ATP2B2: variants seen among roughly 807,000 people sequenced by gnomAD.
The protein encoded by ATP2B2 is plasma membrane calcium-transporting ATPase 2.
In ATP2B2, 15 loss-of-function variants were observed where a neutral mutation model predicts 120.0. The observed-to-expected ratio is 0.12, with a 90% confidence interval of 0.08 to 0.19. The LOEUF is 0.19. Among genes scored for constraint, ATP2B2 ranks in the 10% least tolerant of loss-of-function variants. The pLI, the probability that ATP2B2 is intolerant of heterozygous loss-of-function variation, is 1.00. For synonymous variants in ATP2B2, 694 were observed against 700.3 expected, an observed-to-expected ratio of 0.99 and a Z score of 0.14; for missense variants, 1,045 against 1,719.8, an observed-to-expected ratio of 0.61 and a Z score of 6.94.
chr3:10,513,100 C>T (rs1186459724), intron 3 of ATP2B2, among the ~76,000 whole-genome samples: 1 of 152,162 alleles, frequency 6.6e-6, no homozygotes. Context: ...TAGAGACAGC[C>T]ATGAAATGAA....
rs138645815 is a variant in ATP2B2 at position 10,491,131 on chromosome 3, G to A, written c.-320+14334C>T. ...GGAGGGGGCAACAATGCATCCTACT[G>A]TGGCACACCTTCCACAGGGAAGCTC... On this transcript the variant is annotated intron_variant, in intron 1 of 22. Coordinates refer to ENST00000360273, the MANE Select transcript of ATP2B2 (RefSeq NM_001001331.4). 7.2e-5 allele frequency among the ~76,000 whole-genome samples: 11 copies of A among 152,132 alleles called. No homozygotes were observed. In the East Asian group the frequency reaches 2.1e-3, roughly 29 times the overall value.
chr3:10,432,520 AT>A (rs1392380078), intron 2 of ATP2B2, among the ~76,000 whole-genome samples: 1 of 152,264 alleles, frequency 6.6e-6, no homozygotes, highest in East Asian at 1.9e-4. Flanking sequence ...CTGGCCTCGC[AT>A]TAACTGCAGC....
intron 2 of ATP2B2, among the ~76,000 whole-genome samples, chr3:10,603,077 C>T (rs1179720322): frequency 6.6e-6 from 1 of 152,212 alleles, no homozygotes; most frequent in Non-Finnish European, 1.5e-5. Flanking sequence ...TGGTGAGAAA[C>T]GATGATGAGG....
In ATP2B2 at chr3:10,449,476, T is replaced by G. The variant is rs1191658662; in HGVS notation, c.68A>C (p.Glu23Ala). The change falls in exon 2 of 23, where the codon GAG becomes GCG. Residue 23 changes from glutamate to alanine, a missense_variant. Coordinates refer to ENST00000360273, the MANE Select transcript of ATP2B2 (RefSeq NM_001001331.4). ...GAGCTCCTCCATTGTGCACCCGAAC[T>G]CGCCCCCATGGCTCGACTCATTTCT... ...NQRNESSHGG[E>A]FGCTMEELRS... The G allele has an allele frequency of 6.2e-7, 1 of 1,614,112 alleles. No individual in the cohort carries two copies. Among genetic ancestry groups the G allele is most frequent in the Non-Finnish European group, 8.5e-7 (1 of 1,180,038 alleles).
intron 1 of ATP2B2, among the ~76,000 whole-genome samples, chr3:10,696,866 C>G (rs145165886): frequency 1.2e-3 from 182 of 152,286 alleles, no homozygotes; most frequent in African/African-American, 4.3e-3. Flanking sequence ...GTCCCTGCAC[C>G]AAGGAGTCGC....
rs1047194385 is a variant in ATP2B2, at chr3:10,343,334, C to T, written c.2704-369G>A. ...ATTCCCACCGCCTCCGGCATGGGCT[C>T]CTACCTCCTCCCCCCACTGCCTCCT... is the stretch of plus-strand genomic sequence containing the variant. On this transcript the variant is annotated intron_variant, in intron 18 of 22. Coordinates refer to ENST00000360273, the MANE Select transcript of ATP2B2 (RefSeq NM_001001331.4). The surrounding 1 kb of genome is among the most constrained non-coding windows in gnomAD (Gnocchi z 4.2). 5.3e-5 allele frequency among the ~76,000 whole-genome samples: 8 copies of T among 151,952 alleles called. No homozygotes were observed. The highest frequency in any genetic ancestry group is 1.9e-4 in the African/African-American group (8 of 41,356).
chr3:10,634,934 GA>G (rs2069980206), intron 1 of ATP2B2, among the ~76,000 whole-genome samples: 1 of 152,184 alleles, frequency 6.6e-6, no homozygotes, highest in African/African-American at 2.4e-5. Context: ...CTGTTATGTG[GA>G]ACCAGGGCTT....
chr3:10,414,679 T>A (rs1575160540), intron 2 of ATP2B2, among the ~76,000 whole-genome samples: 1 of 152,260 alleles, frequency 6.6e-6, no homozygotes, highest in East Asian at 1.9e-4. Context: ...ATTCAGCCCC[T>A]AAGTTGCTAG....
At chr3:10,398,156 G>A (rs945347677) in intron 5 of ATP2B2, among the ~76,000 whole-genome samples, 1 of 152,074 alleles carries the variant, frequency 6.6e-6, no homozygotes, top group African/African-American at 2.4e-5. Context: ...AGACTGATGG[G>A]AACACTTTGC....
chr3:10,561,304 A>T (rs539325611), intron 2 of ATP2B2, among the ~76,000 whole-genome samples: 1 of 152,208 alleles, frequency 6.6e-6, no homozygotes, highest in Non-Finnish European at 1.5e-5. Context: ...ATGTATGGAC[A>T]TATAGCCAGA....
intron 3 of ATP2B2, among the ~76,000 whole-genome samples, chr3:10,517,032 C>T (rs1483711402): frequency 6.6e-6 from 1 of 152,128 alleles, no homozygotes; most frequent in Non-Finnish European, 1.5e-5. Flanking sequence ...AGCTCCTGTA[C>T]AGGTTTTTAT....
chr3:10,695,260 G>GAGAGAGAGAC lies in ATP2B2; in HGVS notation c.-460+12654_-460+12655insGTCTCTCTCT, dbSNP rs1340798771. 2.1e-4 allele frequency among the ~76,000 whole-genome samples: 32 copies of GAGAGAGAGAC among 151,538 alleles called. No homozygotes were observed. The South Asian group carries it at 4.9e-3, about 23-fold the overall frequency. On this transcript the variant is annotated intron_variant, in intron 1 of 21. Coordinates refer to the ATP2B2 transcript ENST00000646379. ...CAAAGGAGGGAGGGAGGGAGAGAGAGAGAGAGAGAGAGAGAGAGAGAGAGA... is the reference window on the plus strand; with the variant it reads ...CAAAGGAGGGAGGGAGGGAGAGAGAGAGAGAGAGACAGAGAGAGAGAGAGAGAGAGAGAGA...
chr3:10,490,515 C>T (rs1271566062), intron 1 of ATP2B2, among the ~76,000 whole-genome samples: 1 of 150,552 alleles, frequency 6.6e-6, no homozygotes, highest in Non-Finnish European at 1.5e-5. Context: ...ATTCCTGTAT[C>T]TCAGCCTCCT....
intron 1 of ATP2B2, among the ~76,000 whole-genome samples, chr3:10,670,664 G>A (rs1190099973): frequency 7.2e-5 from 11 of 152,070 alleles, no homozygotes; most frequent in Non-Finnish European, 1.0e-4. Flanking sequence ...CAGGTGATCC[G>A]CCTGCCTTGG....
chr3:10,470,865 C>T (rs1441507177), intron 1 of ATP2B2, among the ~76,000 whole-genome samples: 1 of 152,162 alleles, frequency 6.6e-6, no homozygotes, highest in South Asian at 2.1e-4. Flanking sequence ...ACCCCCATGT[C>T]TCGTAACCTG....
At chr3:10,442,075 G>A (rs560698144) in intron 2 of ATP2B2, among the ~76,000 whole-genome samples, 5 of 152,292 alleles carry the variant, frequency 3.3e-5, no homozygotes, top group African/African-American at 1.2e-4. Flanking sequence ...TACTCAAGGG[G>A]CTGCTGTGAG....
intron 21 of ATP2B2, among the ~76,000 whole-genome samples, chr3:10,339,464 T>G (rs2060215297): frequency 6.6e-6 from 1 of 152,202 alleles, no homozygotes; most frequent in Non-Finnish European, 1.5e-5. Flanking sequence ...CCTGAGTTGG[T>G]TCTGGGCCCT....
chr3:10,438,636 A>G (rs2063551730), intron 2 of ATP2B2, among the ~76,000 whole-genome samples: 1 of 152,210 alleles, frequency 6.6e-6, no homozygotes. Context: ...CCTGGATTGC[A>G]CCAGGAGGAG....
intron 1 of ATP2B2, among the ~76,000 whole-genome samples, chr3:10,473,494 C>T (rs571080664): frequency 2.4e-4 from 36 of 152,198 alleles, no homozygotes; most frequent in African/African-American, 7.0e-4. Flanking sequence ...CAGCTGTGTG[C>T]GGCGGTGTAC....
Sources: allele counts gnomAD v4.1 joint callset (sites outside exome capture counted in the v4.1 genomes callset), GRCh38; gene constraint gnomAD v4.1.1; non-coding constraint Gnocchi (gnomAD v3.1); transcripts MANE v1.5; gene names NCBI Gene and HGNC (gene_info 2026-07-23, HGNC 2026-07-21).